Variants in HDAC4 observed in about 807,000 individuals in gnomAD.
HDAC4 encodes histone deacetylase A.
In HDAC4, 16 loss-of-function variants were observed where a neutral mutation model predicts 135.1. The ratio of observed to expected loss-of-function variants is 0.12; its 90% confidence interval spans 0.08 to 0.18. The LOEUF (loss-of-function observed/expected upper bound fraction) is 0.18. Ranked by LOEUF, HDAC4 falls within the 10% of genes least tolerant of loss-of-function variation. The pLI is 1.00. For synonymous variants in HDAC4, 685 were observed against 653.4 expected (o/e 1.05, Z -0.74); for missense variants, 1,143 against 1,511.8 (o/e 0.76, Z 4.05).
chr2:239,063,407 T>C (rs2033062285), intron 24 of HDAC4, among the ~76,000 whole-genome samples: 1 of 152,002 alleles, frequency 6.6e-6, no homozygotes, highest in Non-Finnish European at 1.5e-5. Context: ...GGTTTCACCA[T>C]GTTAGCCAGG....
chr2:239,265,988 C>A (rs1660368303), intron 2 of HDAC4, among the ~76,000 whole-genome samples: 1 of 152,172 alleles, frequency 6.6e-6, no homozygotes, highest in Admixed American at 6.5e-5. Flanking sequence ...AACCGTATGG[C>A]AGGAGCGTGG....
intron 16 of HDAC4, among the ~76,000 whole-genome samples, chr2:239,096,691 A>C (rs1046552639): frequency 2.6e-4 from 9 of 34,134 alleles, no homozygotes; most frequent in South Asian, 1.5e-3. Context: ...AGCACCCCCC[A>C]CAGACACCCA....
chr2:239,055,950 G>A (rs1025640104), intron 24 of HDAC4, among the ~76,000 whole-genome samples: 3 of 152,178 alleles, frequency 2.0e-5, no homozygotes, highest in African/African-American at 7.2e-5. Flanking sequence ...GAGGACAGAC[G>A]CACGACGACG....
intron 15 of HDAC4, among the ~76,000 whole-genome samples, chr2:239,103,178 G>A (rs988061684): frequency 6.6e-6 from 1 of 152,166 alleles, no homozygotes; most frequent in South Asian, 2.1e-4. Context: ...ACTGTCGCAC[G>A]AATGACTTGG....
chr2:239,198,823 A>G (rs1488288138), intron 3 of HDAC4, among the ~76,000 whole-genome samples: 1 of 152,152 alleles, frequency 6.6e-6, no homozygotes, highest in Non-Finnish European at 1.5e-5. Flanking sequence ...AAAAGCATGA[A>G]GAATAGTGTA....
chr2:239,260,044 C>T (rs71362000), intron 2 of HDAC4, among the ~76,000 whole-genome samples: 1 of 152,354 alleles, frequency 6.6e-6, no homozygotes, highest in East Asian at 1.9e-4. Context: ...CCTTCCACCC[C>T]CAACGCTGTG....
intron 2 of HDAC4, among the ~76,000 whole-genome samples, chr2:239,343,778 C>T (rs1035422060): frequency 6.6e-6 from 1 of 152,324 alleles, no homozygotes; most frequent in Non-Finnish European, 1.5e-5. Context: ...CGCAGAGAGG[C>T]GCACACTCCT....
At position 239,167,555 on chromosome 2, in the gene HDAC4, C is replaced by T. The variant is rs1409961082; in HGVS notation, c.491-3632G>A. 6.6e-6 allele frequency among the ~76,000 whole-genome samples: 1 copy of T among 152,140 alleles called. No homozygotes were observed. The highest frequency in any genetic ancestry group is 2.1e-4 in the South Asian group (1 of 4,824). On this transcript the variant is annotated intron_variant, in intron 5 of 26. Coordinates refer to ENST00000543185, the MANE Select transcript of HDAC4 (RefSeq NM_001378414.1). The surrounding 1 kb of genome is among the most constrained non-coding windows in gnomAD (Gnocchi z 4.1). Reference sequence around the variant, plus strand: ...ACCAAGGAATCTTCTTTTGATCTTTCAGACTTTACTAGGAGAGTATTCAAA... The same window carrying T: ...ACCAAGGAATCTTCTTTTGATCTTTTAGACTTTACTAGGAGAGTATTCAAA...
chr2:239,371,100 G>T (rs1172923901), intron 1 of HDAC4, among the ~76,000 whole-genome samples: 2 of 152,196 alleles, frequency 1.3e-5, no homozygotes, highest in African/African-American at 4.8e-5. Flanking sequence ...AATCACCCAG[G>T]ACAGAGTCCA....
intron 4 of HDAC4, among the ~76,000 whole-genome samples, chr2:239,176,924 G>A (rs1032565171): frequency 1.3e-5 from 2 of 152,100 alleles, no homozygotes; most frequent in Non-Finnish European, 2.9e-5. Flanking sequence ...AAACTGCTGG[G>A]CACTTCCTTA....
chr2:239,261,915 G>C (rs1470078978), intron 2 of HDAC4, among the ~76,000 whole-genome samples: 3 of 152,220 alleles, frequency 2.0e-5, no homozygotes, highest in South Asian at 2.1e-4. Context: ...GTCTCGAAAA[G>C]CCTATGTCGG....
intron 21 of HDAC4, among the ~76,000 whole-genome samples, chr2:239,081,400 C>T (rs145270857): frequency 4.8e-4 from 73 of 152,324 alleles, no homozygotes; most frequent in Non-Finnish European, 5.3e-4. Context: ...GCAAGGGGGC[C>T]CTTTTCCTGG....
chr2:239,257,866 A>G (rs1376852591), intron 2 of HDAC4, among the ~76,000 whole-genome samples: 1 of 152,190 alleles, frequency 6.6e-6, no homozygotes, highest in Non-Finnish European at 1.5e-5. Context: ...CAACAGAACA[A>G]CAAACAATAG....
chr2:239,279,101 G>A (rs766748386), intron 2 of HDAC4, among the ~76,000 whole-genome samples: 7 of 152,248 alleles, frequency 4.6e-5, no homozygotes. Context: ...GGGGCAGCAG[G>A]GCCCACAGGC....
At chr2:239,208,184 G>A (rs1321476867) in intron 3 of HDAC4, among the ~76,000 whole-genome samples, 6 of 151,296 alleles carry the variant, frequency 4.0e-5, no homozygotes, top group African/African-American at 7.3e-5. Context: ...AAAAATAGCC[G>A]GGTGCGGTCG....
chr2:239,355,215 GTTC>G (rs1693415214), intron 1 of HDAC4, among the ~76,000 whole-genome samples: 1 of 152,174 alleles, frequency 6.6e-6, no homozygotes, highest in Non-Finnish European at 1.5e-5. Flanking sequence ...TCAGGAAAAT[GTTC>G]TTCAATTATG....
At chr2:239,125,922 C>G (rs572405341) in intron 12 of HDAC4, among the ~76,000 whole-genome samples, 1 of 152,240 alleles carries the variant, frequency 6.6e-6, no homozygotes, top group Non-Finnish European at 1.5e-5. Context: ...CAACTGCACC[C>G]GGGCCCCCCG....
At chr2:239,383,705 CG>C (rs1291432707) in intron 1 of HDAC4, among the ~76,000 whole-genome samples, 1 of 150,676 alleles carries the variant, frequency 6.6e-6, no homozygotes, top group African/African-American at 2.4e-5. Context: ...CACTCAAGGG[CG>C]TGGGGTGGGG....
At chr2:239,089,254 G>A (rs574101085) in intron 18 of HDAC4, among the ~76,000 whole-genome samples, 1 of 152,198 alleles carries the variant, frequency 6.6e-6, no homozygotes, top group African/African-American at 2.4e-5. Context: ...CAAGAATGAC[G>A]CCGGGCAGGT....
Sources: gnomAD v4.1 joint callset for allele counts (sites outside exome capture counted in the v4.1 genomes callset) on GRCh38, gnomAD v4.1.1 for gene constraint, Gnocchi (gnomAD v3.1) non-coding constraint, MANE v1.5 for transcripts, NCBI Gene and HGNC (gene_info 2026-07-23, HGNC 2026-07-21) for gene names.